LHFPL6: variants seen among roughly 807,000 people sequenced by gnomAD.
LHFPL6 encodes LHFPL tetraspan subfamily member 6 protein.
LHFPL6 carries 9 observed loss-of-function variants against 20.6 expected under a neutral mutation model. The observed-to-expected ratio is 0.44, with a 90% CI of 0.26 to 0.76. The LOEUF is 0.76. Among genes scored for constraint, LHFPL6 ranks in the 30% least tolerant of loss-of-function variants. The pLI, the probability that LHFPL6 is intolerant of heterozygous loss-of-function variation, is 0.20. For missense variants in LHFPL6, 218 were observed against 253.5 expected (o/e 0.86, Z 0.95); for synonymous variants, 105 against 98.7 (o/e 1.06, Z -0.38).
chr13:39,358,843 A>G (rs1869797853), intron 3 of LHFPL6, among the ~76,000 whole-genome samples: 1 of 152,190 alleles, frequency 6.6e-6, no homozygotes, highest in Non-Finnish European at 1.5e-5. Context: ...ACTACAAGAT[A>G]CCATCTCACA....
intron 2 of LHFPL6, among the ~76,000 whole-genome samples, chr13:39,530,720 T>G (rs1004098129): frequency 7.2e-5 from 11 of 152,038 alleles, no homozygotes; most frequent in Admixed American, 6.6e-4. Flanking sequence ...CTTTTTTTCT[T>G]TTGCATTGTG....
intron 2 of LHFPL6, among the ~76,000 whole-genome samples, chr13:39,593,558 C>T (rs1872677362): frequency 6.6e-6 from 1 of 151,882 alleles, no homozygotes. Flanking sequence ...TTTATAGATT[C>T]AATGCCATCC....
chr13:39,395,881 G>A (rs1870828602), intron 2 of LHFPL6, among the ~76,000 whole-genome samples: 1 of 152,310 alleles, frequency 6.6e-6, no homozygotes, highest in Admixed American at 6.5e-5. Context: ...CAAAGCAAAG[G>A]TGACAGTGGA....
chr13:39,436,540 A>G (rs181246430), intron 2 of LHFPL6, among the ~76,000 whole-genome samples: 1 of 152,212 alleles, frequency 6.6e-6, no homozygotes. Flanking sequence ...AATTCTTGAG[A>G]TACATATTTC....
rs1869298983 is a variant in LHFPL6, at chr13:39,343,393, T to C, written c.*543A>G. ...CCACTAAACCTCCCAGTCTGTGCGA[T>C]AATCCACGTTTGTGCATAGGCGTGT... On this transcript the variant is annotated 3_prime_UTR_variant, in exon 4 of 4. Transcript: ENST00000379589. 2 of 231,832 alleles carry C rather than the reference T, an allele frequency of 8.6e-6. No individual in the cohort carries two copies. Among genetic ancestry groups the C allele is most frequent in the Middle Eastern group, 1.3e-3 (1 of 772 alleles). 14.4% of individuals were successfully genotyped at this position (231,832 alleles called of 1,614,324 possible). A position where few individuals can be genotyped will look rare whatever the true frequency, so the allele number is the denominator to read the frequency against.
intron 2 of LHFPL6, among the ~76,000 whole-genome samples, chr13:39,382,281 G>A (rs746196465): frequency 1.3e-5 from 2 of 152,148 alleles, no homozygotes; most frequent in Non-Finnish European, 2.9e-5. Context: ...CAGGTTGCTG[G>A]TTCTCCGATT....
intron 2 of LHFPL6, among the ~76,000 whole-genome samples, chr13:39,513,536 T>C (rs1869797960): frequency 6.6e-6 from 1 of 152,236 alleles, no homozygotes; most frequent in Non-Finnish European, 1.5e-5. Flanking sequence ...AGTCTACATG[T>C]TCTAGAGGGT....
chr13:39,424,935 G>A (rs1002587454), intron 2 of LHFPL6, among the ~76,000 whole-genome samples: 4 of 152,188 alleles, frequency 2.6e-5, no homozygotes, highest in Middle Eastern at 3.4e-3. Flanking sequence ...TATAATAAAT[G>A]CCACGTATTT....
chr13:39,381,830 A>G (rs1406519957), intron 2 of LHFPL6, among the ~76,000 whole-genome samples: 3 of 18,926 alleles, frequency 1.6e-4, no homozygotes, highest in Non-Finnish European at 3.7e-4. Context: ...TATAGACAAA[A>G]AAAAAAAAAA....
intron 2 of LHFPL6, among the ~76,000 whole-genome samples, chr13:39,422,254 T>TGTTAG (rs1288393467): frequency 2.0e-5 from 3 of 152,258 alleles, no homozygotes; most frequent in Admixed American, 2.0e-4. Flanking sequence ...TATGTTCTAA[T>TGTTAG]GTTAGGTATA....
At position 39,601,074 on chromosome 13, in the gene LHFPL6, C is replaced by G; in HGVS notation, c.143G>C (p.Arg48Pro). 1 of 1,614,174 alleles carries G rather than the reference C, an allele frequency of 6.2e-7. No homozygotes were observed. The highest frequency in any genetic ancestry group is 8.5e-7 in the Non-Finnish European group (1 of 1,180,034). The change falls in exon 2 of 4, where the codon CGG becomes CCG. Residue 48 changes from arginine (R) to proline (P), a missense_variant. Coordinates refer to ENST00000379589, the MANE Select transcript of LHFPL6 (RefSeq NM_005780.3). ...LGKPVSFGTF[R>P]RCSYPVHDES... The stretch of plus-strand genomic sequence containing the variant: ...ATCATGCACAGGATATGAGCACCTC[C>G]GGAAGGTACCGAAGGACACAGGCTT...
Position 39,406,786 on chromosome 13 carries a change from ATTTAAT to A in LHFPL6, c.386-28266_386-28261del, listed in dbSNP as rs374567353. Among the ~76,000 whole-genome samples, 262 of 152,374 alleles carry A rather than the reference ATTTAAT, an allele frequency of 1.7e-3. 1 individual carries two copies. The highest frequency in any genetic ancestry group is 6.1e-3 in the African/African-American group (255 of 41,590). ...GGGGTGATTCTCTTAAACACTGTAC[ATTTAAT>A]TTTAAGTCTTATAGAAACTACTGAA... is the stretch of plus-strand genomic sequence containing the variant. On this transcript the variant is annotated intron_variant, in intron 2 of 3. Coordinates refer to ENST00000379589, the MANE Select transcript of LHFPL6 (RefSeq NM_005780.3).
At chr13:39,568,641 AT>A (rs1161257560) in intron 2 of LHFPL6, among the ~76,000 whole-genome samples, 10 of 152,216 alleles carry the variant, frequency 6.6e-5, no homozygotes, top group Admixed American at 2.0e-4. Context: ...AATTGTTTTT[AT>A]ATGTATTTAC....
At chr13:39,407,993 T>C (rs1318356033) in intron 2 of LHFPL6, among the ~76,000 whole-genome samples, 1 of 152,204 alleles carries the variant, frequency 6.6e-6, no homozygotes, top group African/African-American at 2.4e-5. Flanking sequence ...TCCTTCTGCA[T>C]AACAGCGTAA....
chr13:39,525,406 CTT>C (rs1870256287), intron 2 of LHFPL6, among the ~76,000 whole-genome samples: 1 of 152,056 alleles, frequency 6.6e-6, no homozygotes. Flanking sequence ...ATAAAAATAT[CTT>C]TTGTCGTAAT....
At chr13:39,465,705 TCCATC>T (rs916641304) in intron 2 of LHFPL6, among the ~76,000 whole-genome samples, 128 of 152,194 alleles carry the variant, frequency 8.4e-4, no homozygotes, top group Non-Finnish European at 6.8e-4. Flanking sequence ...AAGTCTCAAG[TCCATC>T]CCACATGGTT....
chr13:39,436,868 G>A (rs1300453790), intron 2 of LHFPL6, among the ~76,000 whole-genome samples: 3 of 151,996 alleles, frequency 2.0e-5, no homozygotes, highest in Admixed American at 6.6e-5. Flanking sequence ...AGGTGTATGT[G>A]GATCATAAGA....
At chr13:39,359,418 G>C (rs1869818172) in intron 3 of LHFPL6, among the ~76,000 whole-genome samples, 1 of 152,108 alleles carries the variant, frequency 6.6e-6, no homozygotes, top group Non-Finnish European at 1.5e-5. Flanking sequence ...AAAGGCATGT[G>C]CCCATCCATG....
At position 39,378,434 on chromosome 13, in the gene LHFPL6, C is replaced by G; in HGVS notation, c.478G>C (p.Asp160His). The G allele has an allele frequency of 6.2e-7, 1 of 1,613,700 alleles. No individual in the cohort carries two copies. The highest frequency in any genetic ancestry group is 1.3e-5 in the African/African-American group (1 of 74,998). ...ATCCATGAAGAAAGCTTACCCAGGT[C>G]AAACTGGCCAGAAGTGTAGCCACAA... ...QTCGYTSGQF[D>H]LGKCEIGWAY... Residue 160 changes from aspartate (D) to histidine (H), a missense_variant, in exon 3 of 4, where the codon GAC becomes CAC. Asp to His is a moderately conservative substitution (Grantham distance 81, BLOSUM62 -1). Transcript: ENST00000379589.
Sources: gnomAD v4.1 joint callset for allele counts (sites outside exome capture counted in the v4.1 genomes callset) on GRCh38, gnomAD v4.1.1 for gene constraint, MANE v1.5 for transcripts, NCBI Gene and HGNC (gene_info 2026-07-23, HGNC 2026-07-21) for gene names.